MORC1: variants seen among roughly 807,000 people sequenced by gnomAD.
The protein encoded by MORC1 is MORC family CW-type zinc finger 1.
A neutral mutation model predicts 134.9 loss-of-function variants in MORC1; 59 were observed. That is an observed-to-expected ratio of 0.44 (90% CI 0.35 to 0.54). The LOEUF (loss-of-function observed/expected upper bound fraction) is 0.54. MORC1 is among the 20% of genes least tolerant of loss of function. MORC1 has a pLI of 0.00. For synonymous variants in MORC1, 395 were observed against 391.7 expected, an observed-to-expected ratio of 1.01 and a Z score of -0.10; for missense variants, 947 against 1,134.5, an observed-to-expected ratio of 0.83 and a Z score of 2.37.
chr3:109,092,295 G>A (rs1053523993), intron 8 of MORC1, among the ~76,000 whole-genome samples: 3 of 152,050 alleles, frequency 2.0e-5, no homozygotes, highest in African/African-American at 4.8e-5. Flanking sequence ...GTTGGAATAC[G>A]AGAAAAAACA....
chr3:109,099,502 T>C, intron 5 of MORC1, 36 bp from the exon 6 acceptor site: 1 of 1,483,614 alleles, frequency 6.7e-7, no homozygotes, highest in South Asian at 1.2e-5. Context: ...GTTTTACACC[T>C]CAAATACTAA....
intron 8 of MORC1, among the ~76,000 whole-genome samples, chr3:109,087,046 C>T (rs775534674): frequency 5.3e-4 from 80 of 152,020 alleles, no homozygotes; most frequent in Non-Finnish European, 1.0e-3. Flanking sequence ...CATTGCTTTA[C>T]CTGTTTATGA....
At chr3:108,977,784 G>T (rs1486174087) in intron 24 of MORC1, among the ~76,000 whole-genome samples, 1 of 152,116 alleles carries the variant, frequency 6.6e-6, no homozygotes, top group Non-Finnish European at 1.5e-5. Context: ...GAAAAATACA[G>T]GCAGAGGGTG....
chr3:109,075,030 C>T (rs1384197550), intron 8 of MORC1, among the ~76,000 whole-genome samples: 1 of 152,194 alleles, frequency 6.6e-6, no homozygotes. Context: ...GTTCTGGTCT[C>T]TTCAATTTGC....
At chr3:109,106,670 C>A (rs756346618) in intron 3 of MORC1, among the ~76,000 whole-genome samples, 1 of 152,168 alleles carries the variant, frequency 6.6e-6, no homozygotes, top group East Asian at 1.9e-4. Flanking sequence ...TCTCCTCACC[C>A]CTCACACGGG....
chr3:108,971,236 C>T (rs556387816), intron 25 of MORC1, 94 bp downstream of exon 25: 698 of 1,091,222 alleles, frequency 6.4e-4, no homozygotes, highest in Non-Finnish European at 8.3e-4. Flanking sequence ...TTAAGCCACT[C>T]TAGGTCCTCT....
At chr3:108,964,655 T>C (rs764504766) in intron 26 of MORC1, among the ~76,000 whole-genome samples, 1 of 152,186 alleles carries the variant, frequency 6.6e-6, no homozygotes, top group Non-Finnish European at 1.5e-5. Flanking sequence ...AGTTCCTAAC[T>C]CGAAAGCACT....
At chr3:109,117,432 C>A (rs1490487246) in intron 1 of MORC1, among the ~76,000 whole-genome samples, 1 of 151,608 alleles carries the variant, frequency 6.6e-6, no homozygotes, top group African/African-American at 2.4e-5. Context: ...TGGGAAATGG[C>A]AGATGAGAGA....
intron 21 of MORC1, among the ~76,000 whole-genome samples, chr3:108,990,449 G>T (rs974516230): frequency 6.6e-6 from 1 of 152,044 alleles, no homozygotes; most frequent in Non-Finnish European, 1.5e-5. Context: ...TTATAGACTT[G>T]TTTGTTCCCC....
chr3:109,080,009 T>C (rs528455922), intron 8 of MORC1, among the ~76,000 whole-genome samples: 2 of 152,340 alleles, frequency 1.3e-5, no homozygotes, highest in South Asian at 4.1e-4. Flanking sequence ...ATGTCATAAA[T>C]CACTTAATCT....
intron 2 of MORC1, among the ~76,000 whole-genome samples, chr3:109,113,074 T>C (rs967727151): frequency 3.9e-5 from 6 of 152,226 alleles, no homozygotes; most frequent in African/African-American, 1.2e-4. Flanking sequence ...AAATGTGTTC[T>C]TTCAGACTTG....
chr3:109,116,715 G>C (rs1442127623), intron 1 of MORC1, among the ~76,000 whole-genome samples: 1 of 152,222 alleles, frequency 6.6e-6, no homozygotes, highest in Admixed American at 6.5e-5. Context: ...TGGAGTTCAA[G>C]GCTACAGAGA....
chr3:108,961,538 T>C (rs1947080314), intron 27 of MORC1, among the ~76,000 whole-genome samples: 1 of 152,186 alleles, frequency 6.6e-6, no homozygotes, highest in Non-Finnish European at 1.5e-5. Context: ...CTATCTGCTC[T>C]GGGTCCCTCA....
At chr3:109,091,325 T>TCC (rs1950719694) in intron 8 of MORC1, among the ~76,000 whole-genome samples, 1 of 151,778 alleles carries the variant, frequency 6.6e-6, no homozygotes, top group Admixed American at 6.6e-5. Flanking sequence ...ATGCCTGTAA[T>TCC]CCCAGCTACT....
At chr3:109,028,255 G>A (rs139757150) in intron 16 of MORC1, among the ~76,000 whole-genome samples, 6 of 152,078 alleles carry the variant, frequency 3.9e-5, no homozygotes, top group Middle Eastern at 3.4e-3. Context: ...AAAAGGTAGC[G>A]AAATATATAT....
At chr3:109,095,339 G>T (rs142974364) in intron 6 of MORC1, among the ~76,000 whole-genome samples, 128 of 152,150 alleles carry the variant, frequency 8.4e-4, no homozygotes, top group Non-Finnish European at 1.7e-3. Context: ...GGAAACAACA[G>T]AATCAGCATT....
intron 2 of MORC1, among the ~76,000 whole-genome samples, chr3:109,111,388 G>A (rs1237109874): frequency 6.6e-6 from 1 of 152,166 alleles, no homozygotes; most frequent in African/African-American, 2.4e-5. Context: ...AGTTTCAAAG[G>A]AGACCCCGTA....
At chr3:108,959,913 G>C (rs1314917410) in intron 27 of MORC1, among the ~76,000 whole-genome samples, 1 of 152,144 alleles carries the variant, frequency 6.6e-6, no homozygotes, top group Admixed American at 6.5e-5. Context: ...TTATGGTGAG[G>C]CTTGGGTGGA....
intron 6 of MORC1, 38 bp from the exon 7 acceptor site, chr3:109,095,106 C>T: frequency 6.6e-7 from 1 of 1,511,130 alleles, no homozygotes; most frequent in South Asian, 1.3e-5. Flanking sequence ...CTATGAAATA[C>T]ACAAAAAACA....
Sources: gnomAD v4.1 joint callset for allele counts (sites outside exome capture counted in the v4.1 genomes callset) on GRCh38, gnomAD v4.1.1 for gene constraint, MANE v1.5 for transcripts, NCBI Gene and HGNC (gene_info 2026-07-23, HGNC 2026-07-21) for gene names.